Variants in PRMT3 observed in about 807,000 individuals in gnomAD.
The protein encoded by PRMT3 is protein arginine N-methyltransferase 3.
PRMT3 carries 62 observed loss-of-function variants against 71.9 expected under a neutral mutation model. That is an observed-to-expected ratio of 0.86 (90% CI 0.70 to 1.07). The LOEUF (loss-of-function observed/expected upper bound fraction) is 1.07. PRMT3 is among the 50% of genes least tolerant of loss of function. PRMT3 has a pLI of 0.00. For missense variants in PRMT3, 663 were observed against 643.0 expected (o/e 1.03, Z -0.34); for synonymous variants, 213 against 220.4 (o/e 0.97, Z 0.30).
chr11:20,469,341 T>C (rs1330845980), intron 13 of PRMT3, among the ~76,000 whole-genome samples: 1 of 152,244 alleles, frequency 6.6e-6, no homozygotes, highest in African/African-American at 2.4e-5. Flanking sequence ...ATTCGCTTAC[T>C]CTGTATGCCA....
intron 13 of PRMT3, among the ~76,000 whole-genome samples, chr11:20,481,865 A>G (rs997681589): frequency 3.3e-5 from 5 of 152,016 alleles, no homozygotes; most frequent in African/African-American, 1.2e-4. Flanking sequence ...TAGCCTTTTA[A>G]AAGTCTGTAT....
At position 20,393,694 on chromosome 11, in the gene PRMT3, C is replaced by T. The variant is rs553173349; in HGVS notation, c.400+695C>T. The T allele has an allele frequency of 3.3e-5, 5 of 152,132 alleles. No individual in the cohort carries two copies. The South Asian group carries it at 1.0e-3, about 32-fold the overall frequency. The allele number at this position is 152,132 out of a possible 1,614,324, so 9.4% of individuals were successfully genotyped here. A position where few individuals can be genotyped will look rare whatever the true frequency, so the allele number is the denominator to read the frequency against. ...TAGGAATCTTAATATTTACTGAATC[C>T]TCTTTTTTTCAAATCTCTAAGTTTA... On this transcript the variant is annotated intron_variant, in intron 5 of 15. Transcript: ENST00000331079.
intron 9 of PRMT3, among the ~76,000 whole-genome samples, chr11:20,421,765 A>T (rs1169852859): frequency 2.0e-5 from 3 of 152,192 alleles, no homozygotes; most frequent in Admixed American, 1.3e-4. Flanking sequence ...CTATGTTAAA[A>T]ACATCATGTG....
At chr11:20,486,033 A>G (rs1221865879) in intron 13 of PRMT3, among the ~76,000 whole-genome samples, 1 of 152,256 alleles carries the variant, frequency 6.6e-6, no homozygotes, top group Non-Finnish European at 1.5e-5. Flanking sequence ...AGCTACAAAA[A>G]AGAATGAAAC....
intron 10 of PRMT3, among the ~76,000 whole-genome samples, chr11:20,435,300 C>T (rs905278433): frequency 2.0e-4 from 30 of 152,154 alleles, no homozygotes; most frequent in African/African-American, 6.8e-4. Context: ...CTCCTGGGCT[C>T]AAGCAATCCT....
At chr11:20,501,100 C>A (rs528433046) in intron 15 of PRMT3, among the ~76,000 whole-genome samples, 2 of 152,132 alleles carry the variant, frequency 1.3e-5, no homozygotes, top group Non-Finnish European at 2.9e-5. Context: ...TGACCTCTTT[C>A]ACTTGATAAA....
At chr11:20,390,404 A>G (rs1213152004) in intron 3 of PRMT3, among the ~76,000 whole-genome samples, 1 of 152,242 alleles carries the variant, frequency 6.6e-6, no homozygotes, top group Non-Finnish European at 1.5e-5. Context: ...TTATGTGATT[A>G]CATATTAGAT....
At chr11:20,397,800 T>A in intron 7 of PRMT3, 79 bp downstream of exon 7, 1 of 1,397,986 alleles carries the variant, frequency 7.2e-7, no homozygotes, top group Non-Finnish European at 9.6e-7. Flanking sequence ...ATGTGTGCAC[T>A]ATAGGAGACC....
In PRMT3 at chr11:20,491,105, A is replaced by AT. The variant is rs537522915; in HGVS notation, c.1348-2808dup. 9.9e-5 allele frequency among the ~76,000 whole-genome samples: 15 copies of AT among 151,902 alleles called. No homozygotes were observed. In the East Asian group the frequency reaches 1.9e-3, roughly 20 times the overall value. The stretch of plus-strand genomic sequence containing the variant: ...TTTCTATCAATCTTCAAATTCACTG[A>AT]TTTTTTCCCTGTCATCTCCATTCTG... On this transcript the variant is annotated intron_variant, in intron 13 of 15. Coordinates refer to ENST00000331079, the MANE Select transcript of PRMT3 (RefSeq NM_005788.4).
intron 5 of PRMT3, among the ~76,000 whole-genome samples, chr11:20,394,418 C>G (rs1848781093): frequency 6.6e-6 from 1 of 151,946 alleles, no homozygotes; most frequent in Admixed American, 6.6e-5. Flanking sequence ...GTGTAGAATT[C>G]TTTACACGCT....
intron 13 of PRMT3, among the ~76,000 whole-genome samples, chr11:20,477,984 A>G (rs955083454): frequency 5.3e-5 from 8 of 152,274 alleles, no homozygotes; most frequent in African/African-American, 1.9e-4. Context: ...TTGTCCCAGC[A>G]AAGTTCTTGT....
intron 13 of PRMT3, among the ~76,000 whole-genome samples, chr11:20,484,996 T>A (rs975907082): frequency 6.6e-6 from 1 of 152,224 alleles, no homozygotes; most frequent in Non-Finnish European, 1.5e-5. Context: ...CTGAAAGACT[T>A]GTGTAGCCCT....
At chr11:20,405,715 A>T (rs377600014) in intron 8 of PRMT3, 1 of 152,232 alleles carries the variant, frequency 6.6e-6, no homozygotes, top group African/African-American at 2.4e-5. Flanking sequence ...TATACTAAAC[A>T]TATCTTTCTA....
intron 13 of PRMT3, among the ~76,000 whole-genome samples, chr11:20,472,620 GC>G (rs1850673718): frequency 7.8e-6 from 1 of 128,306 alleles, no homozygotes; most frequent in Non-Finnish European, 1.8e-5. Flanking sequence ...AAGGATATTG[GC>G]CTGAAGTTTT....
intron 10 of PRMT3, among the ~76,000 whole-genome samples, chr11:20,434,377 T>G (rs746464579): frequency 1.3e-5 from 2 of 152,138 alleles, no homozygotes; most frequent in Non-Finnish European, 2.9e-5. Flanking sequence ...CTCTTTAGTT[T>G]AATTAAACCC....
intron 12 of PRMT3, among the ~76,000 whole-genome samples, chr11:20,463,605 A>G (rs942019272): frequency 1.3e-5 from 2 of 151,230 alleles, no homozygotes; most frequent in Non-Finnish European, 2.9e-5. Flanking sequence ...ATTTAAGTAA[A>G]TAGTTTGTTC....
intron 13 of PRMT3, among the ~76,000 whole-genome samples, chr11:20,475,260 G>T (rs1488508645): frequency 6.6e-6 from 1 of 152,152 alleles, no homozygotes. Flanking sequence ...TTAACAAGAA[G>T]GGAAACTTTG....
At chr11:20,417,173 T>C (rs545429772) in intron 9 of PRMT3, among the ~76,000 whole-genome samples, 155 of 152,304 alleles carry the variant, frequency 1.0e-3, no homozygotes, top group Middle Eastern at 3.4e-3. Context: ...CACTGAATTA[T>C]GAGATTCTTT....
chr11:20,416,967 G>A (rs1156807059), intron 9 of PRMT3, among the ~76,000 whole-genome samples: 3 of 152,152 alleles, frequency 2.0e-5, no homozygotes, highest in Non-Finnish European at 2.9e-5. Flanking sequence ...GGGAAAGGGT[G>A]GAGACTGGTC....
Sources: allele counts gnomAD v4.1 joint callset (sites outside exome capture counted in the v4.1 genomes callset), GRCh38; gene constraint gnomAD v4.1.1; transcripts MANE v1.5; gene names NCBI Gene and HGNC (gene_info 2026-07-23, HGNC 2026-07-21).